The following TMEM63A variants were observed in gnomAD, a reference collection of about 807,000 sequenced individuals.
The protein encoded by TMEM63A is transmembrane protein 63A, also known as mechanosensitive cation channel TMEM63A.
Under a neutral mutation model 100.6 loss-of-function variants are expected in TMEM63A, and 76 were observed. The observed-to-expected ratio is 0.76, with a 90% confidence interval of 0.63 to 0.91. The LOEUF (loss-of-function observed/expected upper bound fraction) is 0.91, where lower values mean the gene tolerates loss of function less well. TMEM63A is among the 40% of genes least tolerant of loss of function. TMEM63A has a pLI of 0.00. For missense variants in TMEM63A, 876 were observed against 1,008.8 expected, an observed-to-expected ratio of 0.87 and a Z score of 1.78; for synonymous variants, 401 against 401.1, an observed-to-expected ratio of 1.00 and a Z score of 0.00.
At chr1:225,868,618 G>A (rs868666212) in intron 6 of TMEM63A, among the ~76,000 whole-genome samples, 12 of 151,908 alleles carry the variant, frequency 7.9e-5, no homozygotes, top group African/African-American at 2.9e-4. Context: ...CCTGGGAGGT[G>A]GAGGTTGCAG....
At chr1:225,856,262 G>A (rs1193359311) in intron 17 of TMEM63A, among the ~76,000 whole-genome samples, 5 of 150,942 alleles carry the variant, frequency 3.3e-5, no homozygotes, top group Admixed American at 1.3e-4. Context: ...TGCCCACCTC[G>A]GCCTCCCAAA....
chr1:225,847,069 T>A lies in TMEM63A; in HGVS notation c.2395A>T (p.Ser799Cys), dbSNP rs750710174. 5.0e-6 allele frequency: 8 copies of A among 1,612,900 alleles called. No homozygotes were observed. The Admixed American group carries it at 1.3e-4, about 27-fold the overall frequency. ...GCCTCCTGGGGGGCAGCAGCCACAC[T>A]GCCCGTGGCGCTCTGCGCCAAGCAC... ...GQCLAQSATG[S>C]VAAAPQEA The change falls in exon 24 of 25, where the codon AGT becomes TGT. Residue 799 changes from serine (S) to cysteine (C), a missense_variant. Physicochemically the swap from Ser to Cys is moderately radical, Grantham distance 112. Around this residue, in one of 5 missense-constraint regions of TMEM63A, gnomAD observed 339 missense variants for 342.3 expected, o/e 0.99. Transcript: ENST00000366835.
At chr1:225,877,002 C>T (rs1670837464) in intron 3 of TMEM63A, among the ~76,000 whole-genome samples, 1 of 152,110 alleles carries the variant, frequency 6.6e-6, no homozygotes, top group Non-Finnish European at 1.5e-5. Flanking sequence ...CAGGAGGTGA[C>T]ACTTGGGAAC....
chr1:225,854,791 A>G (rs1669532710), intron 18 of TMEM63A, among the ~76,000 whole-genome samples: 1 of 152,172 alleles, frequency 6.6e-6, no homozygotes, highest in Non-Finnish European at 1.5e-5. Context: ...AGTCACCTAG[A>G]GAGGCAGTGT....
chr1:225,843,735 C>G (rs1012102175), downstream of TMEM63A, among the ~76,000 whole-genome samples: 3 of 152,142 alleles, frequency 2.0e-5, no homozygotes, highest in Non-Finnish European at 2.9e-5. Context: ...AAATGGTGGT[C>G]GTGGTCGTTT....
downstream of TMEM63A, chr1:225,844,584 A>G: frequency 1.9e-6 from 3 of 1,614,124 alleles, no homozygotes; most frequent in Non-Finnish European, 2.5e-6. Context: ...TTCTACAAGG[A>G]GAACCTGGGA....
chr1:225,866,556 A>G lies in TMEM63A; in HGVS notation c.675+18T>C, dbSNP rs775381329. On this transcript the variant is annotated intron_variant, in intron 9 of 24. Coordinates refer to ENST00000366835, the MANE Select transcript of TMEM63A (RefSeq NM_014698.3). Reference sequence around the variant, plus strand: ...TGAGTCCCTCCCAGCACATGTCCCTAAGTCCCGCCTCACTCACCAGGTTCT... The same window carrying G: ...TGAGTCCCTCCCAGCACATGTCCCTGAGTCCCGCCTCACTCACCAGGTTCT... 5 of 1,610,246 alleles carry G rather than the reference A, an allele frequency of 3.1e-6. No individual in the cohort carries two copies. In the South Asian group the frequency reaches 5.5e-5, roughly 18 times the overall value.
At chr1:225,857,090 GGT>G in intron 15 of TMEM63A, 73 bp from the exon 16 acceptor site, 12 of 1,296,296 alleles carry the variant, frequency 9.3e-6, no homozygotes, top group Non-Finnish European at 1.2e-5. Context: ...ATGACCTATT[GGT>G]ATGGTCGCTC....
chr1:225,845,139 C>T, downstream of TMEM63A: 1 of 1,613,964 alleles, frequency 6.2e-7, no homozygotes, highest in Non-Finnish European at 8.5e-7. Flanking sequence ...GGCTCTTTCA[C>T]TTCCAGGATG....
intron 8 of TMEM63A, among the ~76,000 whole-genome samples, 198 bp downstream of exon 8, chr1:225,866,914 C>T (rs1181798492): frequency 1.3e-5 from 2 of 152,198 alleles, no homozygotes; most frequent in African/African-American, 4.8e-5. Flanking sequence ...CAGGACCCTC[C>T]GTGTTTCTTA....
chr1:225,880,339 C>T (rs1671027703), intron 1 of TMEM63A, among the ~76,000 whole-genome samples: 1 of 152,178 alleles, frequency 6.6e-6, no homozygotes, highest in African/African-American at 2.4e-5. Flanking sequence ...TCTGGCTCTC[C>T]ATGGGACAGC....
Position 225,845,696 on chromosome 1 carries a change from A to T in TMEM63A, c.*1243T>A. On this transcript the variant is annotated 3_prime_UTR_variant, in exon 25 of 25. Transcript: ENST00000366835. ...GGGGATGAGGCCACTGGCCAGGGCT[A>T]TGCTGCACCAGACCAATGGCACCGC... 2.5e-6 allele frequency: 1 copy of T among 403,528 alleles called. No individual in the cohort carries two copies. The highest frequency in any genetic ancestry group is 4.7e-6 in the Non-Finnish European group (1 of 214,996). 25.0% of individuals were successfully genotyped at this position (403,528 alleles called of 1,614,324 possible).
At chr1:225,872,689 C>CTTTTTTTTTTTTTT (rs67884791) in intron 4 of TMEM63A, among the ~76,000 whole-genome samples, 1 of 87,062 alleles carries the variant, frequency 1.1e-5, no homozygotes, top group African/African-American at 4.4e-5. Flanking sequence ...TGCTTTTCTT[C>CTTTTTTTTTTTTTT]TTTTTTTTTT....
At chr1:225,856,509 T>C in intron 17 of TMEM63A, 143 bp downstream of exon 17, 1 of 723,460 alleles carries the variant, frequency 1.4e-6, no homozygotes, top group Non-Finnish European at 2.3e-6. Context: ...GACCCAGCCC[T>C]ACTGCACGCC....
chr1:225,852,260 G>A (rs1373927760), intron 20 of TMEM63A, among the ~76,000 whole-genome samples: 4 of 152,210 alleles, frequency 2.6e-5, no homozygotes, highest in Admixed American at 1.3e-4. Flanking sequence ...TGAGGCGGGT[G>A]GATCACCTGA....
Position 225,848,980 on chromosome 1 carries a change from G to A in TMEM63A, c.2104C>T (p.Leu702=), listed in dbSNP as rs1436453622. The part of the protein sequence containing the change: ...MKAPATLFTF[L]VLLLTILVCL... ...ACCAGGATGGTGAGCAGCAGCACCA[G>A]GAAGGTGAACAGAGTGGCGGGGGCC... is the stretch of plus-strand genomic sequence containing the variant. The change falls in exon 22 of 25, where the codon CTG becomes TTG. Residue 702 remains leucine, a synonymous_variant. Transcript: ENST00000366835. The A allele has an allele frequency of 6.2e-7, 1 of 1,602,900 alleles. No homozygotes were observed. The highest frequency in any genetic ancestry group is 8.5e-7 in the Non-Finnish European group (1 of 1,175,548).
intron 23 of TMEM63A, 79 bp from the exon 24 acceptor site, chr1:225,847,292 C>G: frequency 2.0e-6 from 3 of 1,524,458 alleles, no homozygotes; most frequent in Non-Finnish European, 2.7e-6. Flanking sequence ...GCCCTTCTCC[C>G]AACAGGACAC....
At chr1:225,881,061 G>C (rs1671062631) in intron 1 of TMEM63A, among the ~76,000 whole-genome samples, 2 of 152,190 alleles carry the variant, frequency 1.3e-5, no homozygotes, top group Non-Finnish European at 2.9e-5. Flanking sequence ...GCAGAATAAG[G>C]TTGCAAAGTA....
At chr1:225,872,243 C>T (rs1167878425) in intron 4 of TMEM63A, among the ~76,000 whole-genome samples, 190 bp from the exon 5 acceptor site, 1 of 152,186 alleles carries the variant, frequency 6.6e-6, no homozygotes, top group Non-Finnish European at 1.5e-5. Context: ...TGACCATTCC[C>T]AGGCATGGTA....
Sources: allele counts gnomAD v4.1 joint callset (sites outside exome capture counted in the v4.1 genomes callset), GRCh38; gene constraint gnomAD v4.1.1; regional missense constraint gnomAD v4.1.1; transcripts MANE v1.5; gene names NCBI Gene and HGNC (gene_info 2026-07-23, HGNC 2026-07-21).